Variants in DGKB observed in about 807,000 individuals in gnomAD.
DGKB encodes 90 kDa diacylglycerol kinase.
Under a neutral mutation model 114.3 loss-of-function variants are expected in DGKB, and 67 were observed. The ratio of observed to expected loss-of-function variants is 0.59; its 90% CI spans 0.48 to 0.72. The LOEUF is 0.72. Ranked by LOEUF, DGKB falls within the 30% of genes least tolerant of loss-of-function variation. DGKB has a pLI of 0.00. For missense variants in DGKB, 907 were observed against 975.2 expected (o/e 0.93, Z 0.93); for synonymous variants, 398 against 323.1 (o/e 1.23, Z -2.49).
intron 25 of DGKB, among the ~76,000 whole-genome samples, chr7:14,150,621 C>T (rs1448956749): frequency 6.6e-6 from 1 of 152,080 alleles, no homozygotes; most frequent in Non-Finnish European, 1.5e-5. Flanking sequence ...GCTAACCCAG[C>T]CTCAAACTCT....
chr7:14,364,225 T>C (rs1185283201), intron 21 of DGKB, among the ~76,000 whole-genome samples: 1 of 152,058 alleles, frequency 6.6e-6, no homozygotes, highest in African/African-American at 2.4e-5. Context: ...TGCTTTCCTC[T>C]AAGCTCCAAA....
At chr7:14,775,508 C>T (rs1322554625) in intron 2 of DGKB, among the ~76,000 whole-genome samples, 1 of 149,904 alleles carries the variant, frequency 6.7e-6, no homozygotes, top group East Asian at 2.1e-4. Context: ...CCTAATAATT[C>T]CCATAATCTC....
chr7:14,564,318 A>C (rs1797085738), intron 20 of DGKB, among the ~76,000 whole-genome samples: 1 of 152,124 alleles, frequency 6.6e-6, no homozygotes, highest in African/African-American at 2.4e-5. Flanking sequence ...CCTTCCTCTA[A>C]GTAAAGCTGG....
At chr7:14,755,048 A>G (rs962769576) in intron 3 of DGKB, among the ~76,000 whole-genome samples, 3 of 152,154 alleles carry the variant, frequency 2.0e-5, no homozygotes, top group Admixed American at 6.6e-5. Context: ...TTCTTAAAAT[A>G]GTTTCTTTAT....
intron 20 of DGKB, among the ~76,000 whole-genome samples, chr7:14,526,755 C>T (rs540625044): frequency 1.3e-5 from 2 of 151,956 alleles, no homozygotes; most frequent in East Asian, 1.9e-4. Flanking sequence ...TAATGCAGTT[C>T]GTAATAGAGA....
intron 2 of DGKB, among the ~76,000 whole-genome samples, chr7:14,806,556 G>T (rs371412208): frequency 6.6e-6 from 1 of 151,904 alleles, no homozygotes; most frequent in African/African-American, 2.4e-5. Context: ...TATTGTTTTA[G>T]ATTTTAACGT....
At chr7:14,526,333 C>G (rs1432430880) in intron 20 of DGKB, among the ~76,000 whole-genome samples, 1 of 152,034 alleles carries the variant, frequency 6.6e-6, no homozygotes, top group East Asian at 1.9e-4. Flanking sequence ...ACCAGTAGCA[C>G]TCCCACCCTC....
chr7:14,342,912 A>G (rs1287689871), intron 22 of DGKB, among the ~76,000 whole-genome samples: 1 of 151,916 alleles, frequency 6.6e-6, no homozygotes, highest in Non-Finnish European at 1.5e-5. Context: ...CCAATAAAAC[A>G]TGTATCTATT....
chr7:14,423,512 G>A (rs1202424001), intron 21 of DGKB, among the ~76,000 whole-genome samples: 6 of 152,016 alleles, frequency 3.9e-5, no homozygotes, highest in Non-Finnish European at 8.8e-5. Context: ...AAAAGCCAGT[G>A]AATCTAAGTG....
At chr7:14,948,670 A>G (rs1395416459) in intron 1 of DGKB, among the ~76,000 whole-genome samples, 1 of 151,858 alleles carries the variant, frequency 6.6e-6, no homozygotes, top group Non-Finnish European at 1.5e-5. Context: ...CAGGAAGTAG[A>G]TATTTCCAAT....
intron 1 of DGKB, among the ~76,000 whole-genome samples, chr7:14,942,671 C>T (rs1451431524): frequency 6.6e-6 from 1 of 151,942 alleles, no homozygotes; most frequent in Non-Finnish European, 1.5e-5. Flanking sequence ...ACTCTCCAAA[C>T]ATGCTTCCCT....
intron 23 of DGKB, chr7:14,192,093 G>T (rs568992759): frequency 3.4e-4 from 140 of 405,902 alleles, no homozygotes; most frequent in Middle Eastern, 3.3e-3. Flanking sequence ...GGACAGGAAG[G>T]CTGCTGATGG....
intron 1 of DGKB, among the ~76,000 whole-genome samples, chr7:14,900,935 C>G (rs1782936977): frequency 6.6e-6 from 1 of 152,076 alleles, no homozygotes; most frequent in Non-Finnish European, 1.5e-5. Context: ...AAATTTGCTC[C>G]AACCATATTC....
intron 23 of DGKB, among the ~76,000 whole-genome samples, chr7:14,237,144 A>G (rs1792922088): frequency 6.6e-6 from 1 of 152,046 alleles, no homozygotes; most frequent in Non-Finnish European, 1.5e-5. Flanking sequence ...ACATTTCTAC[A>G]TGAATCATTT....
At chr7:14,377,729 T>A (rs112480122) in intron 21 of DGKB, among the ~76,000 whole-genome samples, 1 of 152,182 alleles carries the variant, frequency 6.6e-6, no homozygotes, top group African/African-American at 2.4e-5. Context: ...TGATCCCCAT[T>A]GCTCACCATG....
At chr7:14,839,174 T>G (rs780798458) in intron 2 of DGKB, among the ~76,000 whole-genome samples, 18 of 152,048 alleles carry the variant, frequency 1.2e-4, no homozygotes, top group Non-Finnish European at 2.9e-5. Flanking sequence ...GACACATATC[T>G]CTTCATATTT....
At chr7:14,202,193 T>C (rs953615021) in intron 23 of DGKB, among the ~76,000 whole-genome samples, 5 of 152,092 alleles carry the variant, frequency 3.3e-5, no homozygotes, top group Non-Finnish European at 7.4e-5. Context: ...AGTATTTATA[T>C]GCTTAAACCA....
intron 23 of DGKB, among the ~76,000 whole-genome samples, chr7:14,311,000 C>A (rs6980097): frequency 1.3e-5 from 2 of 151,668 alleles, no homozygotes; most frequent in African/African-American, 4.9e-5. Flanking sequence ...TGGTGGTGTG[C>A]GCCTGCAGTT....
chr7:14,769,633 G>A (rs1248506804), intron 2 of DGKB, among the ~76,000 whole-genome samples: 3 of 152,018 alleles, frequency 2.0e-5, no homozygotes, highest in Non-Finnish European at 4.4e-5. Context: ...CAAACCTGGT[G>A]ATTTAAAACT....
Sources: allele counts gnomAD v4.1 joint callset (sites outside exome capture counted in the v4.1 genomes callset), GRCh38; gene constraint gnomAD v4.1.1; transcripts MANE v1.5; gene names NCBI Gene and HGNC (gene_info 2026-07-23, HGNC 2026-07-21).